Variants in WIZ observed in about 807,000 individuals in gnomAD.
WIZ encodes WIZ zinc finger.
A neutral mutation model predicts 140.2 loss-of-function variants in WIZ; 25 were observed. The observed-to-expected ratio is 0.18, with a 90% confidence interval of 0.13 to 0.25. The LOEUF (loss-of-function observed/expected upper bound fraction) is 0.25. Among genes scored for constraint, WIZ ranks in the 10% least tolerant of loss-of-function variants. The pLI is 1.00. For synonymous variants in WIZ, 1,125 were observed against 1,154.3 expected (o/e 0.97, Z 0.51); for missense variants, 2,231 against 2,632.6 (o/e 0.85, Z 3.34).
Position 15,433,425 on chromosome 19 carries a change from A to T in WIZ, c.2741-2243T>A, listed in dbSNP as rs576070377. The T allele has an allele frequency of 5.5e-6, 5 of 904,276 alleles. No homozygotes were observed. The African/African-American group carries it at 9.0e-5, about 16-fold the overall frequency. 56.0% of individuals were successfully genotyped at this position (904,276 alleles called of 1,614,324 possible). On this transcript the variant is annotated intron_variant, in intron 5 of 12. Coordinates refer to ENST00000673675, the MANE Select transcript of WIZ (RefSeq NM_001371589.1). ...GGCAGGCTTCTAACGACAGCCTTGC[A>T]GCGCCAGTGCCCAGACCTAGCCCTA...
rs1968360877 is a variant in WIZ, at chr19:15,421,348, GCAGCC to G, written c.*1723_*1727del. ...CAAGACCACCCTTGTGGGCGTTATT[GCAGCC>G]TGTTAATCCCTCCTTCCCAGGAAGG... On this transcript the variant is annotated 3_prime_UTR_variant, in exon 13 of 13. Transcript: ENST00000673675. The G allele has an allele frequency of 6.6e-6, 1 of 152,238 alleles. No individual in the cohort carries two copies. Among genetic ancestry groups the G allele is most frequent in the African/African-American group, 2.4e-5 (1 of 41,452 alleles). 9.4% of individuals were successfully genotyped at this position (152,238 alleles called of 1,614,324 possible).
rs1968667742 is a variant in WIZ, at chr19:15,425,241, A to G, written c.4894T>C (p.Ser1632Pro). The G allele has an allele frequency of 1.3e-6, 2 of 1,575,764 alleles. No individual in the cohort carries two copies. The highest frequency in any genetic ancestry group is 2.3e-5 in the East Asian group (1 of 42,772). ...KTLHEKTSHS[S>P]TEACCELCGL... ...CAGGACCCTGCCGCCCGCTGCTTAC[A>G]GGAGTGGGAGGTCTTCTCATGAAGG... The change falls in exon 10 of 13, where the codon TCC becomes CCC. Residue 1632 changes from serine (S) to proline (P), a missense_variant and splice_region_variant. Around this residue, in one of 15 missense-constraint regions of WIZ, gnomAD observed 393 missense variants for 451.7 expected, o/e 0.87. Coordinates refer to ENST00000673675, the MANE Select transcript of WIZ (RefSeq NM_001371589.1).
At position 15,424,140 on chromosome 19, in the gene WIZ, G is replaced by A; in HGVS notation, c.5510+43C>T. 6.9e-7 allele frequency: 1 copy of A among 1,440,508 alleles called. No individual in the cohort carries two copies. Among genetic ancestry groups the A allele is most frequent in the Non-Finnish European group, 9.1e-7 (1 of 1,093,308 alleles). The allele number at this position is 1,440,508 out of a possible 1,614,324, so 89.2% of individuals were successfully genotyped here. On this transcript the variant is annotated intron_variant, in intron 12 of 12. Coordinates refer to ENST00000673675, the MANE Select transcript of WIZ (RefSeq NM_001371589.1). The surrounding 1 kb of genome is among the most constrained non-coding windows in gnomAD (Gnocchi z 9.7). ...TGTTCCAAGGCTCCGGGTGACCAAG[G>A]TCCACTCAGGTGGTCTCCCTCCCTC...
chr19:15,424,753 C>T lies in WIZ; in HGVS notation c.5174G>A (p.Gly1725Asp). The change falls in exon 11 of 13, where the codon GGC (glycine) becomes GAC (aspartate). Residue 1725 changes from glycine (G) to aspartate (D), a missense_variant. Physicochemically the swap from Gly to Asp is moderately conservative, Grantham distance 94 (BLOSUM62 -1). Transcript: ENST00000673675. This position sits in a 1 kb window ranked among gnomAD's most constrained non-coding sequence, Gnocchi z 9.7. ...GGCACTGCGGCCGACCACGGCCAGG[C>T]CCCCGGGTGCCAGCCCCAGGGACGG... ...KRPSLGLAPG[G>D]LAVVGRSAGG... 1.3e-6 allele frequency: 2 copies of T among 1,569,154 alleles called. No homozygotes were observed. Among genetic ancestry groups the T allele is most frequent in the Non-Finnish European group, 8.6e-7 (1 of 1,160,892 alleles).
Position 15,442,717 on chromosome 19 carries a change from G to A in WIZ, c.237C>T (p.Ala79=), listed in dbSNP as rs1969787939. 8.1e-7 allele frequency: 1 copy of A among 1,232,442 alleles called. No homozygotes were observed. The highest frequency in any genetic ancestry group is 3.2e-5 in the East Asian group (1 of 31,702). 76.3% of individuals were successfully genotyped at this position (1,232,442 alleles called of 1,614,324 possible). A position where few individuals can be genotyped will look rare whatever the true frequency, so the allele number is the denominator to read the frequency against. ...GGGTGGCGGAGGTGACACGGGGGAG[G>A]GCTTCGCTGAGGCCGGGATGGGGCT... The part of the protein sequence containing the change: ...DGQPHPGLSE[A]LPRVTSATHR... Residue 79 remains alanine (A), a synonymous_variant, in exon 3 of 13, where the codon GCC becomes GCT. Coordinates refer to ENST00000673675, the MANE Select transcript of WIZ (RefSeq NM_001371589.1). The surrounding 1 kb of genome is among the most constrained non-coding windows in gnomAD (Gnocchi z 5.5).
intron 5 of WIZ, among the ~76,000 whole-genome samples, chr19:15,434,136 TA>T (rs930462358): frequency 6.6e-6 from 1 of 151,756 alleles, no homozygotes; most frequent in Non-Finnish European, 1.5e-5. Flanking sequence ...TGGGCGCCTG[TA>T]ATCCCAGCTA....
intron 2 of WIZ, among the ~76,000 whole-genome samples, chr19:15,445,755 G>A (rs1231218002): frequency 6.6e-6 from 1 of 152,172 alleles, no homozygotes; most frequent in Non-Finnish European, 1.5e-5. Flanking sequence ...CTGCAGAGGG[G>A]GTGTGGGAGC....
In WIZ at chr19:15,433,433, T is replaced by G. The variant is rs778241012; in HGVS notation, c.2741-2251A>C. ...TCTAACGACAGCCTTGCAGCGCCAGTGCCCAGACCTAGCCCTAATGTTGCA... is the reference window on the plus strand; with the variant it reads ...TCTAACGACAGCCTTGCAGCGCCAGGGCCCAGACCTAGCCCTAATGTTGCA... On this transcript the variant is annotated intron_variant, in intron 5 of 12. Coordinates refer to ENST00000673675, the MANE Select transcript of WIZ (RefSeq NM_001371589.1). The G allele has an allele frequency of 2.9e-5, 24 of 828,382 alleles. No individual in the cohort carries two copies. In the East Asian group the frequency reaches 3.7e-4, roughly 13 times the overall value. 51.3% of individuals were successfully genotyped at this position (828,382 alleles called of 1,614,324 possible).
At position 15,440,678 on chromosome 19, in the gene WIZ, A is replaced by T; in HGVS notation, c.316T>A (p.Ser106Thr). Reference sequence around the variant, plus strand: ...TGGCCCAGGAGATGGGGTGGTGGGGAGCCCGGCCGGAAGTCCAGGCTGCCT... The same window carrying T: ...TGGCCCAGGAGATGGGGTGGTGGGGTGCCCGGCCGGAAGTCCAGGCTGCCT... Reference protein sequence around the residue: ...DGGSLDFRPGSPPPHLLGHFP... With the variant: ...DGGSLDFRPGTPPPHLLGHFP... Residue 106 changes from serine to threonine, a missense_variant, in exon 4 of 13, where the codon TCC becomes ACC. By Grantham distance (58) the Ser-to-Thr change is moderately conservative. This residue lies in a region of WIZ where 307 missense variants were observed against 294.1 expected (regional missense o/e 1.04). Transcript: ENST00000673675. The surrounding 1 kb of genome is among the most constrained non-coding windows in gnomAD (Gnocchi z 6.2). 1 of 1,514,080 alleles carries T rather than the reference A, an allele frequency of 6.6e-7. No homozygotes were observed. Among genetic ancestry groups the T allele is most frequent in the South Asian group, 1.2e-5 (1 of 82,690 alleles). The allele number at this position is 1,514,080 out of a possible 1,614,324, so 93.8% of individuals were successfully genotyped here.
chr19:15,443,778 C>G (rs991534006), intron 2 of WIZ, among the ~76,000 whole-genome samples: 8 of 152,180 alleles, frequency 5.3e-5, no homozygotes, highest in Admixed American at 1.3e-4. Flanking sequence ...GGAGCAAGTG[C>G]TCAGCAAATC....
chr19:15,423,140 G>A lies in WIZ; in HGVS notation c.5606C>T (p.Ala1869Val), dbSNP rs76973800. 217 of 1,612,936 alleles carry A rather than the reference G, an allele frequency of 1.3e-4. No individual in the cohort carries two copies. In the African/African-American group the frequency reaches 2.5e-3, roughly 19 times the overall value. The part of the protein sequence containing the change: ...RHILEMNFSK[A>V]DPPPEESQAP... ...CTGGGACTCCTCAGGTGGGGGGTCC[G>A]CTTTGGAGAAGTTCATCTCCAGGAT... Residue 1869 changes from alanine to valine, a missense_variant, in exon 13 of 13, where the codon GCG becomes GTG. By Grantham distance (64) the Ala-to-Val change is moderately conservative. Coordinates refer to ENST00000673675, the MANE Select transcript of WIZ (RefSeq NM_001371589.1).
chr19:15,440,810 G>A lies in WIZ; in HGVS notation c.279-95C>T. ...GGTCCTCCCAGGCCGTTTGAAGCAG[G>A]CCCCGGAGATCCAGCCCGAGGGTGA... On this transcript the variant is annotated intron_variant, in intron 3 of 12. Transcript: ENST00000673675. The surrounding 1 kb of genome is among the most constrained non-coding windows in gnomAD (Gnocchi z 6.2). 5.5e-6 allele frequency: 7 copies of A among 1,281,680 alleles called. No homozygotes were observed. The highest frequency in any genetic ancestry group is 1.6e-5 in the South Asian group (1 of 63,566). The allele number at this position is 1,281,680 out of a possible 1,614,324, so 79.4% of individuals were successfully genotyped here. A position where few individuals can be genotyped will look rare whatever the true frequency, so the allele number is the denominator to read the frequency against.
In WIZ at chr19:15,439,505, C is replaced by T. The variant is rs750221146; in HGVS notation, c.1489G>A (p.Glu497Lys). 2.0e-5 allele frequency: 30 copies of T among 1,534,494 alleles called. No individual in the cohort carries two copies. Among genetic ancestry groups the T allele is most frequent in the East Asian group, 2.4e-5 (1 of 40,908 alleles). ...HAHPHWEEDGEAYEEDPASQP... is the reference protein window; with the variant it reads ...HAHPHWEEDGKAYEEDPASQP... The stretch of plus-strand genomic sequence containing the variant: ...CTGGCAGGGTCTTCCTCATAAGCCT[C>T]GCCATCCTCCTCCCAGTGGGGATGG... The change falls in exon 4 of 13, where the codon GAG (glutamate) becomes AAG (lysine). Residue 497 changes from glutamate to lysine, a missense_variant. Physicochemically the swap from Glu to Lys is moderately conservative, Grantham distance 56. Transcript: ENST00000673675. The surrounding 1 kb of genome is among the most constrained non-coding windows in gnomAD (Gnocchi z 7.0).
rs1480268045 is a variant in WIZ at position 15,439,043 on chromosome 19, G to C, written c.1951C>G (p.Pro651Ala). 6.7e-7 allele frequency: 1 copy of C among 1,498,316 alleles called. No homozygotes were observed. The highest frequency in any genetic ancestry group is 2.2e-5 in the Admixed American group (1 of 45,262). The allele number at this position is 1,498,316 out of a possible 1,614,324, so 92.8% of individuals were successfully genotyped here. ...TGCTTCAGCTCCAGGGCCGCCTGCG[G>C]GATGAGGCTGGGGGTGGCTAGGGGT... Reference protein sequence around the residue: ...FSPLATPSLIPQAALELKQAF... With the variant: ...FSPLATPSLIAQAALELKQAF... Residue 651 changes from proline to alanine, a missense_variant, in exon 4 of 13, where the codon CCG becomes GCG. This residue lies in a region of WIZ where 475 missense variants were observed against 520.2 expected (regional missense o/e 0.91). Transcript: ENST00000673675. The surrounding 1 kb of genome is among the most constrained non-coding windows in gnomAD (Gnocchi z 7.0).
chr19:15,449,336 G>C (rs894755692), intron 1 of WIZ: 2 of 152,296 alleles, frequency 1.3e-5, no homozygotes, highest in African/African-American at 4.8e-5. Flanking sequence ...TGGGCTGGCA[G>C]TCTTGGTGGG....
At chr19:15,431,728 C>G (rs1969252652) in intron 5 of WIZ, among the ~76,000 whole-genome samples, 1 of 152,186 alleles carries the variant, frequency 6.6e-6, no homozygotes, top group African/African-American at 2.4e-5. Flanking sequence ...ACAAGCTGGG[C>G]CCTAAGTGGG....
At chr19:15,429,451 C>A (rs1314312409) in intron 7 of WIZ, 135 bp downstream of exon 7, 40 of 1,027,376 alleles carry the variant, frequency 3.9e-5, no homozygotes, top group African/African-American at 6.7e-5. Flanking sequence ...TCTGGCCTGG[C>A]TGGCCCAGGA....
intron 5 of WIZ, among the ~76,000 whole-genome samples, chr19:15,435,433 C>T (rs543690336): frequency 3.3e-5 from 5 of 151,786 alleles, no homozygotes; most frequent in Non-Finnish European, 4.4e-5. Context: ...AGCAAGACCC[C>T]GTCTCAAAAA....
In WIZ at chr19:15,430,082, G is replaced by T; in HGVS notation, c.2919C>A (p.Ser973Arg). ...KQELQDLKAQ[S>R]LTTCEVCGAC... is the part of the protein sequence containing the mutation. ...CACCGCAGACCTCGCAGGTGGTCAG[G>T]CTCTGGGCTGAAGGGCAACACAGAG... Residue 973 changes from serine (S) to arginine (R), a missense_variant, in exon 7 of 13, where the codon AGC becomes AGA. By Grantham distance (110) the Ser-to-Arg change is moderately radical. This residue lies in a region of WIZ where 24 missense variants were observed against 61.2 expected (regional missense o/e 0.39). Coordinates refer to ENST00000673675, the MANE Select transcript of WIZ (RefSeq NM_001371589.1). 2 of 1,526,224 alleles carry T rather than the reference G, an allele frequency of 1.3e-6. No individual in the cohort carries two copies. The highest frequency in any genetic ancestry group is 1.8e-6 in the Non-Finnish European group (2 of 1,140,466). 94.5% of individuals were successfully genotyped at this position (1,526,224 alleles called of 1,614,324 possible).
Sources: gnomAD v4.1 joint callset for allele counts (sites outside exome capture counted in the v4.1 genomes callset) on GRCh38, gnomAD v4.1.1 for gene constraint, gnomAD v4.1.1 regional missense constraint, Gnocchi (gnomAD v3.1) non-coding constraint, MANE v1.5 for transcripts, NCBI Gene and HGNC (gene_info 2026-07-23, HGNC 2026-07-21) for gene names.